The following MAST2 variants were observed in gnomAD, a reference collection of about 807,000 sequenced individuals.
MAST2 encodes microtubule associated serine/threonine kinase 2.
In MAST2, 70 loss-of-function variants were observed where a neutral mutation model predicts 147.4. That is an observed-to-expected ratio of 0.47 (90% confidence interval 0.39 to 0.58). The LOEUF (loss-of-function observed/expected upper bound fraction) is 0.58. MAST2 is among the 20% of genes least tolerant of loss of function. MAST2 has a pLI of 0.00. For synonymous variants in MAST2, 869 were observed against 896.8 expected, an observed-to-expected ratio of 0.97 and a Z score of 0.55; for missense variants, 2,080 against 2,302.3, an observed-to-expected ratio of 0.90 and a Z score of 1.98.
At position 45,936,798 on chromosome 1, in the gene MAST2, C is replaced by T. The variant is rs578000173; in HGVS notation, c.501-22588C>T. Reference sequence around the variant, plus strand: ...TCATCATCATCTTGTGGCCTCTAGACTGAATTATTCAGGAAAGAAGGAGAG... The same window carrying T: ...TCATCATCATCTTGTGGCCTCTAGATTGAATTATTCAGGAAAGAAGGAGAG... On this transcript the variant is annotated intron_variant, in intron 4 of 28. Transcript: ENST00000361297. Among the ~76,000 whole-genome samples the T allele has an allele frequency of 7.0e-4, 106 of 152,256 alleles. No individual in the cohort carries two copies. The South Asian group carries it at 0.022, about 31-fold the overall frequency.
At chr1:45,933,740 G>C (rs1335373217) in intron 4 of MAST2, among the ~76,000 whole-genome samples, 1 of 151,948 alleles carries the variant, frequency 6.6e-6, no homozygotes, top group Non-Finnish European at 1.5e-5. Flanking sequence ...GGCAACAAGA[G>C]CAAAAACTCA....
At chr1:45,808,950 G>A (rs1001371485) in intron 1 of MAST2, among the ~76,000 whole-genome samples, 2 of 151,964 alleles carry the variant, frequency 1.3e-5, no homozygotes, top group African/African-American at 4.8e-5. Flanking sequence ...AGGACCGTCT[G>A]CTTTTCTCGA....
chr1:46,015,330 A>T (rs1474012281), intron 10 of MAST2, among the ~76,000 whole-genome samples: 3 of 152,230 alleles, frequency 2.0e-5, no homozygotes, highest in Non-Finnish European at 2.9e-5. Flanking sequence ...AAATCAGAGC[A>T]GAACTGACGG....
At chr1:45,924,708 A>G (rs1380623795) in intron 4 of MAST2, among the ~76,000 whole-genome samples, 2 of 152,194 alleles carry the variant, frequency 1.3e-5, no homozygotes, top group Non-Finnish European at 1.5e-5. Context: ...CCTAACCCCT[A>G]GTAACTCAGA....
At chr1:45,938,582 C>T (rs1183104035) in intron 4 of MAST2, among the ~76,000 whole-genome samples, 1 of 152,204 alleles carries the variant, frequency 6.6e-6, no homozygotes, top group Non-Finnish European at 1.5e-5. Context: ...CTGTCTTGGC[C>T]TCCCAAAGTG....
At chr1:45,988,251 G>T (rs1644727330) in intron 5 of MAST2, among the ~76,000 whole-genome samples, 1 of 151,852 alleles carries the variant, frequency 6.6e-6, no homozygotes, top group Non-Finnish European at 1.5e-5. Flanking sequence ...TAGCCTCAAG[G>T]GATTCCCACA....
Position 45,818,357 on chromosome 1 carries a change from G to A in MAST2, c.178-6076G>A, listed in dbSNP as rs1194710859. Reference sequence around the variant, plus strand: ...GTTTGGCTTTGGGAAGTGCTTTGGAGCTTCTTCTCAGTCCAGCCACTGAGC... The same window carrying A: ...GTTTGGCTTTGGGAAGTGCTTTGGAACTTCTTCTCAGTCCAGCCACTGAGC... On this transcript the variant is annotated intron_variant, in intron 1 of 28. Coordinates refer to ENST00000361297, the MANE Select transcript of MAST2 (RefSeq NM_015112.3). 3.3e-5 allele frequency among the ~76,000 whole-genome samples: 5 copies of A among 152,276 alleles called. No individual in the cohort carries two copies. The East Asian group carries it at 7.7e-4, about 23-fold the overall frequency.
intron 4 of MAST2, among the ~76,000 whole-genome samples, chr1:45,924,230 A>C (rs964966148): frequency 6.6e-6 from 1 of 152,120 alleles, no homozygotes; most frequent in African/African-American, 2.4e-5. Context: ...CATTACTGTC[A>C]TCTATTAATT....
intron 4 of MAST2, among the ~76,000 whole-genome samples, chr1:45,926,081 C>G (rs1399821073): frequency 3.9e-5 from 6 of 152,174 alleles, no homozygotes; most frequent in Admixed American, 2.0e-4. Flanking sequence ...TAAACAACTG[C>G]TTTTCAGAGT....
In MAST2 at chr1:46,031,104, G is replaced by A; in HGVS notation, c.2806G>A (p.Ala936Thr). The A allele has an allele frequency of 3.1e-6, 5 of 1,612,642 alleles. No individual in the cohort carries two copies. The highest frequency in any genetic ancestry group is 4.2e-6 in the Non-Finnish European group (5 of 1,179,060). ...ACGCCGCTGCTCAGGCCTCCTGGAT[G>A]CGCCTCGGTTCCCGGAGGGCCCTGA... The part of the protein sequence containing the change: ...VRRRCSGLLD[A>T]PRFPEGPEEA... Residue 936 changes from alanine to threonine, a missense_variant, in exon 23 of 29, where the codon GCG becomes ACG. Around this residue, in one of 4 missense-constraint regions of MAST2, gnomAD observed 1,278 missense variants for 1,304.2 expected, o/e 0.98. Transcript: ENST00000361297. The surrounding 1 kb of genome is among the most constrained non-coding windows in gnomAD (Gnocchi z 4.1).
chr1:45,951,876 A>G (rs1034237215), intron 4 of MAST2, among the ~76,000 whole-genome samples: 1 of 152,242 alleles, frequency 6.6e-6, no homozygotes, highest in Admixed American at 6.5e-5. Context: ...GGCAGTATTC[A>G]TAGAGATAAT....
intron 4 of MAST2, among the ~76,000 whole-genome samples, chr1:45,914,373 A>G (rs1163208065): frequency 1.3e-5 from 2 of 152,166 alleles, no homozygotes; most frequent in Non-Finnish European, 2.9e-5. Flanking sequence ...ATTGGCCAAT[A>G]TAGAAATAAA....
chr1:45,832,631 G>A (rs545563357), intron 3 of MAST2, among the ~76,000 whole-genome samples: 3 of 152,234 alleles, frequency 2.0e-5, no homozygotes, highest in East Asian at 1.9e-4. Flanking sequence ...TTCTAACAAC[G>A]TACTTCTTTG....
intron 5 of MAST2, among the ~76,000 whole-genome samples, chr1:45,985,900 G>A (rs949623289): frequency 3.9e-5 from 6 of 152,092 alleles, no homozygotes; most frequent in African/African-American, 1.4e-4. Context: ...TCTATTTACA[G>A]TATGTATAAA....
chr1:45,837,144 G>A (rs770315528), intron 3 of MAST2, among the ~76,000 whole-genome samples: 10 of 152,176 alleles, frequency 6.6e-5, no homozygotes, highest in Non-Finnish European at 1.5e-4. Context: ...CCATGGACCT[G>A]GTATAGAATA....
intron 3 of MAST2, among the ~76,000 whole-genome samples, chr1:45,848,758 A>G (rs1645523935): frequency 6.6e-6 from 1 of 152,170 alleles, no homozygotes; most frequent in African/African-American, 2.4e-5. Flanking sequence ...AAAGAAATAA[A>G]CGGCATTCAA....
At chr1:46,011,735 A>T (rs1645723365) in intron 10 of MAST2, among the ~76,000 whole-genome samples, 1 of 152,226 alleles carries the variant, frequency 6.6e-6, no homozygotes, top group Non-Finnish European at 1.5e-5. Flanking sequence ...TCTCTGGAGT[A>T]GTACCAACTG....
chr1:45,851,921 G>A (rs1179132359), intron 3 of MAST2, among the ~76,000 whole-genome samples: 2 of 152,094 alleles, frequency 1.3e-5, no homozygotes, highest in East Asian at 3.9e-4. Context: ...TTTATAGGGA[G>A]ATACTAAAAT....
At position 45,905,733 on chromosome 1, in the gene MAST2, G is replaced by A. The variant is rs191461494; in HGVS notation, c.500+23338G>A. On this transcript the variant is annotated intron_variant, in intron 4 of 28. Coordinates refer to ENST00000361297, the MANE Select transcript of MAST2 (RefSeq NM_015112.3). ...GGAGCTTGCAGTGAGCTGAGATCGC[G>A]CCACTGCACTGCAGCCTGGGAGACA... Among the ~76,000 whole-genome samples, 815 of 150,932 alleles carry A rather than the reference G, an allele frequency of 5.4e-3. 8 individuals are homozygous for A. Among genetic ancestry groups the A allele is most frequent in the Admixed American group, 0.011 (164 of 15,172 alleles).
Sources: allele counts gnomAD v4.1 joint callset (sites outside exome capture counted in the v4.1 genomes callset), GRCh38; gene constraint gnomAD v4.1.1; regional missense constraint gnomAD v4.1.1; non-coding constraint Gnocchi (gnomAD v3.1); transcripts MANE v1.5; gene names NCBI Gene and HGNC (gene_info 2026-07-23, HGNC 2026-07-21).